Variants in RNF213 observed in about 807,000 individuals in gnomAD.
RNF213 encodes the protein ring finger protein 213.
Under a neutral mutation model 514.4 loss-of-function variants are expected in RNF213, and 341 were observed. The observed-to-expected ratio is 0.66, with a 90% CI of 0.61 to 0.73. The LOEUF (loss-of-function observed/expected upper bound fraction) is 0.73. Ranked by LOEUF, RNF213 falls within the 30% of genes least tolerant of loss-of-function variation. RNF213 has a pLI of 0.00. For missense variants in RNF213, 5,767 were observed against 6,615.6 expected (o/e 0.87, Z 4.45); for synonymous variants, 2,655 against 2,658.2 (o/e 1.00, Z 0.04).
intron 63 of RNF213, 42 bp from the exon 64 acceptor site, chr17:80,388,570 G>A (rs376159210): frequency 1.8e-5 from 23 of 1,300,322 alleles, no homozygotes; most frequent in African/African-American, 1.7e-4. Context: ...AAATGTCCAC[G>A]ATGGATTTAA....
intron 11 of RNF213, among the ~76,000 whole-genome samples, chr17:80,305,578 T>G (rs916527116): frequency 6.6e-6 from 1 of 152,004 alleles, no homozygotes; most frequent in Non-Finnish European, 1.5e-5. Context: ...TATTCCGTAT[T>G]CTGAATTCTA....
intron 36 of RNF213, among the ~76,000 whole-genome samples, chr17:80,356,190 C>T (rs113428316): frequency 1.9e-4 from 29 of 152,226 alleles, no homozygotes; most frequent in African/African-American, 6.3e-4. Context: ...TTAGTAGAGG[C>T]GAGATTTCAC....
intron 3 of RNF213, among the ~76,000 whole-genome samples, chr17:80,283,715 G>T (rs1013713456): frequency 6.6e-6 from 1 of 152,198 alleles, no homozygotes; most frequent in Non-Finnish European, 1.5e-5. Flanking sequence ...CCATGCTGGT[G>T]GGAGGTGGGG....
At position 80,298,402 on chromosome 17, in the gene RNF213, G is replaced by T. The variant is rs1207371464; in HGVS notation, c.2094G>T (p.Leu698=). ...TYTWLGALPV[L]HCCMELAPRH... The stretch of plus-strand genomic sequence containing the variant: ...CCTGGCTGGGCGCCCTGCCTGTCCT[G>T]CACTGCTGTATGGAGCTGGCCCCGC... Residue 698 remains leucine, a synonymous_variant, in exon 11 of 68, where the codon CTG becomes CTT. Coordinates refer to ENST00000582970, the MANE Select transcript of RNF213 (RefSeq NM_001256071.3). 2 of 1,614,194 alleles carry T rather than the reference G, an allele frequency of 1.2e-6. No homozygotes were observed. Among genetic ancestry groups the T allele is most frequent in the South Asian group, 1.1e-5 (1 of 91,082 alleles).
rs2044925853 is a variant in RNF213, at chr17:80,295,946, C to T, written c.2012+133C>T. ...TAAAACCACCCGTGATTTTACCACTCACTGTGGTCATGTCAGTAGTTTTTC... is the reference window on the plus strand; with the variant it reads ...TAAAACCACCCGTGATTTTACCACTTACTGTGGTCATGTCAGTAGTTTTTC... On this transcript the variant is annotated intron_variant, in intron 10 of 67. Coordinates refer to ENST00000582970, the MANE Select transcript of RNF213 (RefSeq NM_001256071.3). The T allele has an allele frequency of 6.4e-6, 6 of 930,496 alleles. No homozygotes were observed. The East Asian group carries it at 1.5e-4, about 24-fold the overall frequency. The allele number at this position is 930,496 out of a possible 1,614,324, so 57.6% of individuals were successfully genotyped here. A position where few individuals can be genotyped will look rare whatever the true frequency, so the allele number is the denominator to read the frequency against.
rs1223118770 is a variant in RNF213 at position 80,345,782 on chromosome 17, A to G, written c.7447A>G (p.Ile2483Val). Residue 2483 changes from isoleucine (I) to valine (V), a missense_variant, in exon 29 of 68, where the codon ATC becomes GTC. Transcript: ENST00000582970. This position sits in a 1 kb window ranked among gnomAD's most constrained non-coding sequence, Gnocchi z 6.0. ...TAAGGACCAACATCAGTTGGACACC[A>G]TCTTGTTTTTTGATGAAGCCAACAC... Reference protein sequence around the residue: ...ANKDQHQLDTILFFDEANTTE... With the variant: ...ANKDQHQLDTVLFFDEANTTE... The G allele has an allele frequency of 6.2e-7, 1 of 1,614,188 alleles. No individual in the cohort carries two copies.
At chr17:80,333,264 G>A (rs2046468450) in intron 21 of RNF213, among the ~76,000 whole-genome samples, 1 of 149,690 alleles carries the variant, frequency 6.7e-6, no homozygotes, top group Non-Finnish European at 1.5e-5. Context: ...GTTTCACCGT[G>A]TTAGCCAGGA....
chr17:80,384,220 C>A (rs1035263798), intron 59 of RNF213, among the ~76,000 whole-genome samples: 18 of 152,322 alleles, frequency 1.2e-4, no homozygotes, highest in Admixed American at 8.5e-4. Context: ...CTCAGCCAGA[C>A]AGAAAAGGAT....
chr17:80,334,024 G>C, intron 21 of RNF213, 81 bp from the exon 22 acceptor site: 1 of 1,499,416 alleles, frequency 6.7e-7, no homozygotes, highest in Non-Finnish European at 9.0e-7. Context: ...TGGGGCTGCT[G>C]GGACGGTCAG....
chr17:80,337,936 A>C lies in RNF213; in HGVS notation c.4772A>C (p.Lys1591Thr). 6.5e-7 allele frequency: 1 copy of C among 1,537,286 alleles called. No homozygotes were observed. The highest frequency in any genetic ancestry group is 1.2e-5 in the South Asian group (1 of 84,064). Residue 1591 changes from lysine to threonine, a missense_variant, in exon 25 of 68, where the codon AAG becomes ACG. Physicochemically the swap from Lys to Thr is moderately conservative, Grantham distance 78. Transcript: ENST00000582970. ...GAGGAGGTGAAGGAGCTTTTGAACA[A>C]GTTGATGCTGATGTCTGGCAAGAAG... is the stretch of plus-strand genomic sequence containing the variant. The part of the protein sequence containing the change: ...SLEEVKELLN[K>T]LMLMSGKKDR...
At position 80,343,797 on chromosome 17, in the gene RNF213, A is replaced by T; in HGVS notation, c.6184-60A>T. 6.4e-7 allele frequency: 1 copy of T among 1,568,552 alleles called. No homozygotes were observed. Among genetic ancestry groups the T allele is most frequent in the African/African-American group, 1.3e-5 (1 of 74,088 alleles). ...AGAGCAAAATAAGGAGGGGTTACTT[A>T]GAGTTGGGAGAACTCGCCATCGTGT... On this transcript the variant is annotated intron_variant, in intron 27 of 67. Transcript: ENST00000582970. The surrounding 1 kb of genome is among the most constrained non-coding windows in gnomAD (Gnocchi z 4.3).
Position 80,377,834 on chromosome 17 carries a change from C to T in RNF213, c.13545+38C>T, listed in dbSNP as rs772532641. 2.9e-5 allele frequency: 46 copies of T among 1,610,894 alleles called. No homozygotes were observed. In the East Asian group the frequency reaches 3.8e-4, roughly 13 times the overall value. On this transcript the variant is annotated intron_variant, in intron 54 of 67. Coordinates refer to ENST00000582970, the MANE Select transcript of RNF213 (RefSeq NM_001256071.3). The surrounding 1 kb of genome is among the most constrained non-coding windows in gnomAD (Gnocchi z 4.1). ...ATTTAAGATAGGGTTTGAGGGGTGGCGTGCACTCCTGGGTTGGAGGAGGGG... is the reference window on the plus strand; with the variant it reads ...ATTTAAGATAGGGTTTGAGGGGTGGTGTGCACTCCTGGGTTGGAGGAGGGG...
At chr17:80,375,286 TGG>T (rs932302680) in intron 50 of RNF213, among the ~76,000 whole-genome samples, 3 of 152,362 alleles carry the variant, frequency 2.0e-5, no homozygotes, top group African/African-American at 7.2e-5. Flanking sequence ...ACTGCCCATG[TGG>T]GGCATGACCC....
intron 49 of RNF213, among the ~76,000 whole-genome samples, 155 bp from the exon 50 acceptor site, chr17:80,374,303 C>T (rs1191329175): frequency 2.0e-5 from 3 of 152,232 alleles, no homozygotes; most frequent in African/African-American, 7.2e-5. Context: ...GCGAAGAGGG[C>T]ACCAGACTGT....
At chr17:80,330,349 C>A (rs755636315) in intron 20 of RNF213, among the ~76,000 whole-genome samples, 2 of 152,216 alleles carry the variant, frequency 1.3e-5, no homozygotes, top group Non-Finnish European at 2.9e-5. Flanking sequence ...AAAGCCCTCA[C>A]AAGTGGGTTG....
At chr17:80,278,503 C>T (rs1374433512) in intron 3 of RNF213, among the ~76,000 whole-genome samples, 1 of 152,218 alleles carries the variant, frequency 6.6e-6, no homozygotes, top group Non-Finnish European at 1.5e-5. Context: ...AGGGTGCCGC[C>T]TCTGGTGTGG....
intron 31 of RNF213, 152 bp from the exon 32 acceptor site, chr17:80,351,533 T>C (rs932670697): frequency 1.2e-5 from 7 of 599,024 alleles, no homozygotes; most frequent in African/African-American, 1.1e-4. Context: ...CTGAAGTTTA[T>C]GTAAAACTCA....
chr17:80,271,382 TCC>T (rs2043816987), intron 2 of RNF213, among the ~76,000 whole-genome samples: 1 of 151,998 alleles, frequency 6.6e-6, no homozygotes, highest in Non-Finnish European at 1.5e-5. Flanking sequence ...GTCTGCGTGG[TCC>T]CTGCCCTCCA....
rs941946983 is a variant in RNF213 at position 80,293,681 on chromosome 17, G to A, written c.1472-1039G>A. Among the ~76,000 whole-genome samples the A allele has an allele frequency of 2.0e-5, 3 of 152,044 alleles. 1 individual carries two copies. Among genetic ancestry groups the A allele is most frequent in the African/African-American group, 4.8e-5 (2 of 41,424 alleles). On this transcript the variant is annotated intron_variant, in intron 8 of 67. Coordinates refer to ENST00000582970, the MANE Select transcript of RNF213 (RefSeq NM_001256071.3). ...TACTAAAAATACAAAAAAATTGGCCGGGCGTCTTGGCAGCGGGCGCCTGTA... is the reference window on the plus strand; with the variant it reads ...TACTAAAAATACAAAAAAATTGGCCAGGCGTCTTGGCAGCGGGCGCCTGTA...
Sources: allele counts gnomAD v4.1 joint callset (sites outside exome capture counted in the v4.1 genomes callset), GRCh38; gene constraint gnomAD v4.1.1; non-coding constraint Gnocchi (gnomAD v3.1); transcripts MANE v1.5; gene names NCBI Gene and HGNC (gene_info 2026-07-23, HGNC 2026-07-21).